Variants in KCNIP1 observed in about 807,000 individuals in gnomAD.
KCNIP1 encodes the protein A-type potassium channel modulatory protein KCNIP1.
Under a neutral mutation model 33.0 loss-of-function variants are expected in KCNIP1, and 18 were observed. That is an observed-to-expected ratio of 0.55 (90% CI 0.38 to 0.81). The LOEUF is 0.81. Ranked by LOEUF, KCNIP1 falls within the 30% of genes least tolerant of loss-of-function variation. The pLI is 0.00. For synonymous variants in KCNIP1, 93 were observed against 98.3 expected (o/e 0.95, Z 0.32); for missense variants, 238 against 271.6 (o/e 0.88, Z 0.87).
chr5:170,382,457 G>T (rs1764279937), intron 1 of KCNIP1, among the ~76,000 whole-genome samples: 2 of 152,142 alleles, frequency 1.3e-5, no homozygotes, highest in South Asian at 4.2e-4. Context: ...ACCTTAGTCT[G>T]CCCTGACAGC....
At position 170,666,100 on chromosome 5, in the gene KCNIP1, A is replaced by T. The variant is rs117504485; in HGVS notation, c.62-52658A>T. 1.2e-4 allele frequency among the ~76,000 whole-genome samples: 18 copies of T among 152,288 alleles called. No homozygotes were observed. The East Asian group carries it at 3.5e-3, about 29-fold the overall frequency. The stretch of plus-strand genomic sequence containing the variant: ...ACACTGAAGGAGTGGGAAGTTAGAG[A>T]TCCTCCTTGAGCGTGGGCCATCTTC... On this transcript the variant is annotated intron_variant, in intron 1 of 7. Transcript: ENST00000328939.
At chr5:170,721,736 T>C (rs1260422780) in intron 3 of KCNIP1, 97 bp from the exon 4 acceptor site, 65 of 1,614,008 alleles carry the variant, frequency 4.0e-5, no homozygotes, top group Non-Finnish European at 5.1e-5. Context: ...CTAGCATCAC[T>C]CTCCTCTCTT....
Position 170,366,242 on chromosome 5 carries a change from C to T in KCNIP1, c.88+12278C>T, listed in dbSNP as rs114700516. Among the ~76,000 whole-genome samples, 766 of 152,282 alleles carry T rather than the reference C, an allele frequency of 5.0e-3. 6 individuals are homozygous for T. The highest frequency in any genetic ancestry group is 0.017 in the African/African-American group (716 of 41,556). On this transcript the variant is annotated intron_variant, in intron 1 of 7. Coordinates refer to the KCNIP1 transcript ENST00000377360. ...CCCACTCCCAGCCCACACTCTCCTA[C>T]GGATGAAAAAATAAGAAGGGGCAGT...
At chr5:170,446,205 T>C (rs1049718864) in intron 1 of KCNIP1, among the ~76,000 whole-genome samples, 2 of 152,168 alleles carry the variant, frequency 1.3e-5, no homozygotes, top group African/African-American at 2.4e-5. Flanking sequence ...TCCCCTTTTA[T>C]TTTGTGTGGT....
chr5:170,476,931 G>C (rs1756869141), intron 1 of KCNIP1, among the ~76,000 whole-genome samples: 2 of 152,190 alleles, frequency 1.3e-5, no homozygotes, highest in Non-Finnish European at 2.9e-5. Flanking sequence ...ACAAGACTAA[G>C]AGTGAATCCT....
At position 170,360,682 on chromosome 5, in the gene KCNIP1, G is replaced by A. The variant is rs562061389; in HGVS notation, c.88+6718G>A. ...TGACAAGTTCTATAATTAAAAATGT[G>A]CCAACAATGGAAATGATCCTTTTTA... On this transcript the variant is annotated intron_variant, in intron 1 of 7. Transcript: ENST00000377360. 6.6e-5 allele frequency among the ~76,000 whole-genome samples: 10 copies of A among 152,244 alleles called. No homozygotes were observed. The South Asian group carries it at 2.1e-3, about 32-fold the overall frequency.
At chr5:170,375,763 TTAGA>T (rs1357230803) in intron 1 of KCNIP1, 2 of 152,274 alleles carry the variant, frequency 1.3e-5, no homozygotes, top group African/African-American at 4.8e-5. Flanking sequence ...TCATAGTAAC[TTAGA>T]TAGCACTTAC....
At chr5:170,638,322 C>G (rs72834416) in intron 1 of KCNIP1, among the ~76,000 whole-genome samples, 1 of 152,040 alleles carries the variant, frequency 6.6e-6, no homozygotes, top group East Asian at 1.9e-4. Context: ...CTGCCAGGCA[C>G]GTGCTGGCCT....
intron 1 of KCNIP1, among the ~76,000 whole-genome samples, chr5:170,577,133 G>A (rs1324346732): frequency 3.3e-5 from 5 of 152,080 alleles, no homozygotes; most frequent in Non-Finnish European, 7.4e-5. Context: ...AAGCCCTTCC[G>A]GCTAGCCCAG....
rs142457837 is a variant in KCNIP1 at position 170,528,667 on chromosome 5, G to A, written c.61+24034G>A. 3.1e-3 allele frequency among the ~76,000 whole-genome samples: 477 copies of A among 152,220 alleles called. 3 individuals carry two copies. The highest frequency in any genetic ancestry group is 8.7e-3 in the African/African-American group (363 of 41,540). On this transcript the variant is annotated intron_variant, in intron 1 of 7. Transcript: ENST00000328939. The stretch of plus-strand genomic sequence containing the variant: ...ATAGTGCCCTTTACTCCCCACCCCC[G>A]TCTCTCTGTTCATAGACAGGAAATC...
At chr5:170,611,427 A>G (rs1309561317) in intron 1 of KCNIP1, among the ~76,000 whole-genome samples, 3 of 152,240 alleles carry the variant, frequency 2.0e-5, no homozygotes, top group Non-Finnish European at 4.4e-5. Flanking sequence ...CACACTACGA[A>G]GTGCAGCCAA....
At chr5:170,642,448 C>G (rs976018305) in intron 1 of KCNIP1, among the ~76,000 whole-genome samples, 5 of 152,250 alleles carry the variant, frequency 3.3e-5, no homozygotes, top group Non-Finnish European at 5.9e-5. Context: ...ACTGGGCCCT[C>G]TCCCAGTACA....
chr5:170,389,736 T>C (rs1764639408), intron 1 of KCNIP1: 1 of 152,218 alleles, frequency 6.6e-6, no homozygotes, highest in Non-Finnish European at 1.5e-5. Flanking sequence ...TTGTCACTAG[T>C]CCCTGGCATA....
At chr5:170,390,420 C>T (rs896430359) in intron 1 of KCNIP1, among the ~76,000 whole-genome samples, 3 of 149,702 alleles carry the variant, frequency 2.0e-5, no homozygotes, top group Admixed American at 1.3e-4. Flanking sequence ...GCAGGAGAAT[C>T]GCTTGAACCT....
At chr5:170,617,130 A>AAATTAAGGACATCAAG (rs148371988) in intron 1 of KCNIP1, among the ~76,000 whole-genome samples, 53,850 of 151,724 alleles carry the variant, frequency 0.35, 9,863 homozygotes, top group Admixed American at 0.44. Flanking sequence ...TCTGAGCTAA[A>AAATTAAGGACATCAAG]ATAGGAACAC....
At chr5:170,551,547 C>T (rs1262394871) in intron 1 of KCNIP1, among the ~76,000 whole-genome samples, 5 of 152,218 alleles carry the variant, frequency 3.3e-5, no homozygotes, top group East Asian at 1.9e-4. Context: ...GTTTGGAATC[C>T]AGATGAGTCT....
chr5:170,724,355 G>A (rs910559571), intron 5 of KCNIP1, among the ~76,000 whole-genome samples: 2 of 152,108 alleles, frequency 1.3e-5, no homozygotes, highest in African/African-American at 4.8e-5. Context: ...AGTCTCCCTC[G>A]TGAGCACAGA....
At chr5:170,572,116 C>T (rs56364568) in intron 1 of KCNIP1, among the ~76,000 whole-genome samples, 61,237 of 151,964 alleles carry the variant, frequency 0.4, 13,218 homozygotes, top group Admixed American at 0.49. Flanking sequence ...TGCTGCTTCT[C>T]AACCTCAGCC....
At chr5:170,453,583 C>A (rs999504269) in intron 1 of KCNIP1, among the ~76,000 whole-genome samples, 2 of 152,168 alleles carry the variant, frequency 1.3e-5, no homozygotes, top group Non-Finnish European at 2.9e-5. Context: ...GGTATTTACA[C>A]CTTTATGTAA....
Sources: gnomAD v4.1 joint callset for allele counts (sites outside exome capture counted in the v4.1 genomes callset) on GRCh38, gnomAD v4.1.1 for gene constraint, MANE v1.5 for transcripts, NCBI Gene and HGNC (gene_info 2026-07-23, HGNC 2026-07-21) for gene names.